Variants in ROBO2 observed in about 807,000 individuals in gnomAD.
ROBO2 encodes roundabout guidance receptor 2, also known as roundabout homolog 2.
Under a neutral mutation model 160.8 loss-of-function variants are expected in ROBO2, and 53 were observed. The observed-to-expected ratio is 0.33, with a 90% CI of 0.26 to 0.41. ROBO2 has a LOEUF of 0.41. Among genes scored for constraint, ROBO2 ranks in the 10% least tolerant of loss-of-function variants. ROBO2 has a pLI of 1.00. For missense variants in ROBO2, 1,577 were observed against 1,722.4 expected, an observed-to-expected ratio of 0.92 and a Z score of 1.49; for synonymous variants, 664 against 611.7, an observed-to-expected ratio of 1.09 and a Z score of -1.26.
chr3:75,979,943 C>G (rs575462762), intron 2 of ROBO2, among the ~76,000 whole-genome samples: 1 of 151,488 alleles, frequency 6.6e-6, no homozygotes, highest in South Asian at 2.1e-4. Context: ...TAAAAAATAC[C>G]CATAGGAGCC....
At chr3:76,598,294 GT>G (rs943424775) in intron 2 of ROBO2, among the ~76,000 whole-genome samples, 1 of 151,648 alleles carries the variant, frequency 6.6e-6, no homozygotes, top group Non-Finnish European at 1.5e-5. Flanking sequence ...GAGGAAAGTG[GT>G]TTTTTTTGTT....
chr3:76,172,461 T>C (rs79919568), intron 2 of ROBO2, among the ~76,000 whole-genome samples: 3,691 of 140,708 alleles, frequency 0.026, 237 homozygotes, highest in East Asian at 0.24. Flanking sequence ...AAAAGAAAAC[T>C]ACTGCCCATA....
At chr3:76,864,137 C>T (rs1482913865) in intron 2 of ROBO2, among the ~76,000 whole-genome samples, 2 of 152,020 alleles carry the variant, frequency 1.3e-5, no homozygotes, top group Non-Finnish European at 2.9e-5. Flanking sequence ...ATCTGGGCCA[C>T]AGATTTTAAA....
intron 2 of ROBO2, among the ~76,000 whole-genome samples, chr3:75,959,154 C>T (rs1043817371): frequency 6.6e-6 from 1 of 151,608 alleles, no homozygotes; most frequent in Non-Finnish European, 1.5e-5. Flanking sequence ...TCTTTTATTT[C>T]TTTTTGAAAC....
chr3:75,980,611 G>C (rs2065248176), intron 2 of ROBO2, among the ~76,000 whole-genome samples: 1 of 151,454 alleles, frequency 6.6e-6, no homozygotes. Flanking sequence ...ACAAAGCTGG[G>C]CTGCACCTAA....
intron 2 of ROBO2, among the ~76,000 whole-genome samples, chr3:76,063,609 G>A (rs1360553793): frequency 2.0e-5 from 3 of 151,728 alleles, no homozygotes; most frequent in South Asian, 2.1e-4. Context: ...ACCTCCCAAA[G>A]TGCTGGGATT....
At chr3:76,059,222 C>A (rs1482552175) in intron 2 of ROBO2, among the ~76,000 whole-genome samples, 5 of 151,566 alleles carry the variant, frequency 3.3e-5, no homozygotes, top group African/African-American at 1.2e-4. Context: ...GAGGAATCGC[C>A]ACACTGACTT....
intron 2 of ROBO2, among the ~76,000 whole-genome samples, chr3:76,400,056 T>C (rs547624266): frequency 1.6e-4 from 25 of 151,776 alleles, no homozygotes; most frequent in African/African-American, 5.8e-4. Flanking sequence ...TGAAACATGA[T>C]ACCAATCCTA....
At chr3:77,134,208 G>A (rs1167151637) in intron 2 of ROBO2, among the ~76,000 whole-genome samples, 2 of 151,840 alleles carry the variant, frequency 1.3e-5, no homozygotes, top group African/African-American at 4.8e-5. Context: ...ATAAAAACAA[G>A]GCTAGGTGAT....
At chr3:75,951,768 T>C (rs1399519848) in intron 2 of ROBO2, among the ~76,000 whole-genome samples, 3 of 151,964 alleles carry the variant, frequency 2.0e-5, no homozygotes, top group Admixed American at 6.6e-5. Flanking sequence ...GAAAAAAAAA[T>C]CCAGAAAGTT....
chr3:75,940,439 T>A (rs1948000095), intron 2 of ROBO2, among the ~76,000 whole-genome samples: 1 of 152,034 alleles, frequency 6.6e-6, no homozygotes, highest in Non-Finnish European at 1.5e-5. Context: ...ATTTTTTGTA[T>A]CTGTGAAGAA....
chr3:76,918,727 C>T (rs1425203666), intron 2 of ROBO2, among the ~76,000 whole-genome samples: 2 of 152,094 alleles, frequency 1.3e-5, no homozygotes, highest in African/African-American at 4.8e-5. Flanking sequence ...GTGGTATTTC[C>T]AGTTCTAAAT....
At chr3:75,939,472 AAGTCT>A (rs1460226574) in intron 2 of ROBO2, among the ~76,000 whole-genome samples, 1 of 152,212 alleles carries the variant, frequency 6.6e-6, no homozygotes, top group Non-Finnish European at 1.5e-5. Context: ...AATCAATTCC[AAGTCT>A]AGCTGTAGTA....
At chr3:77,550,681 A>T in intron 7 of ROBO2, 137 bp from the exon 9 acceptor site, 1 of 910,168 alleles carries the variant, frequency 1.1e-6, no homozygotes, top group Non-Finnish European at 1.7e-6. Flanking sequence ...TGTGGCATTT[A>T]AACATTTCTG....
At chr3:76,757,205 A>G (rs3916057) in intron 2 of ROBO2, among the ~76,000 whole-genome samples, 49,986 of 151,618 alleles carry the variant, frequency 0.33, 9,639 homozygotes, top group Non-Finnish European at 0.43. Context: ...TTGGGTTTAC[A>G]TAAGAAGTAA....
chr3:77,526,846 A>T (rs1016982327), intron 6 of ROBO2, among the ~76,000 whole-genome samples: 2 of 151,460 alleles, frequency 1.3e-5, no homozygotes, highest in African/African-American at 2.4e-5. Context: ...ATCTCTAAGG[A>T]TGTTCCAACC....
rs2094276012 is a variant in ROBO2, at chr3:77,595,264, G to T, written c.2726+80G>T. On this transcript the variant is annotated intron_variant, in intron 18 of 25. Transcript: ENST00000461745. The stretch of plus-strand genomic sequence containing the variant: ...AACTCTATAGTAAGAGCCTATTATT[G>T]TAATAAATGATCACTTAAAAGTCTG... 3.5e-5 allele frequency: 37 copies of T among 1,070,320 alleles called. 1 individual carries two copies. In the South Asian group the frequency reaches 4.8e-4, roughly 14 times the overall value. The allele number at this position is 1,070,320 out of a possible 1,614,324, so 66.3% of individuals were successfully genotyped here. A position where few individuals can be genotyped will look rare whatever the true frequency, so the allele number is the denominator to read the frequency against.
chr3:77,578,098 A>G (rs1377235976), intron 15 of ROBO2, among the ~76,000 whole-genome samples: 2 of 151,806 alleles, frequency 1.3e-5, no homozygotes, highest in African/African-American at 4.8e-5. Flanking sequence ...TGTGTAGAAT[A>G]TTTCACCTGA....
intron 2 of ROBO2, among the ~76,000 whole-genome samples, chr3:76,255,754 G>T (rs933295999): frequency 6.6e-5 from 10 of 151,988 alleles, no homozygotes; most frequent in African/African-American, 2.2e-4. Context: ...GATATTTAAA[G>T]ATGCCTGTTG....
Sources: gnomAD v4.1 joint callset for allele counts (sites outside exome capture counted in the v4.1 genomes callset) on GRCh38, gnomAD v4.1.1 for gene constraint, MANE v1.5 for transcripts, NCBI Gene and HGNC (gene_info 2026-07-23, HGNC 2026-07-21) for gene names.